HSP90AA1: variants seen among roughly 807,000 people sequenced by gnomAD.
HSP90AA1 encodes the protein heat shock protein 90 alpha family class A member 1, also known as heat shock protein HSP 90-alpha.
Under a neutral mutation model 73.3 loss-of-function variants are expected in HSP90AA1, and 18 were observed. The ratio of observed to expected loss-of-function variants is 0.25; its 90% CI spans 0.17 to 0.36. The LOEUF is 0.36. Among genes scored for constraint, HSP90AA1 ranks in the 10% least tolerant of loss-of-function variants. The probability of loss-of-function intolerance (pLI) is 1.00; values close to 1 mark genes in which losing one functional copy is unlikely to be tolerated. For missense variants in HSP90AA1, 704 were observed against 874.2 expected (o/e 0.81, Z 2.45); for synonymous variants, 477 against 296.9 (o/e 1.61, Z -6.24).
chr14:102,128,558 G>A (rs1319152541), intron 1 of HSP90AA1, among the ~76,000 whole-genome samples: 1 of 150,642 alleles, frequency 6.6e-6, no homozygotes, highest in African/African-American at 2.4e-5. Flanking sequence ...AACCCAGGAG[G>A]CAGAGGTTGC....
intron 9 of HSP90AA1, chr14:102,082,673 T>G: frequency 1.8e-6 from 1 of 556,422 alleles, no homozygotes. Context: ...CAGGCTGGAG[T>G]GCAGTGGTGC....
At chr14:102,088,896 T>C (rs1249781814), upstream of HSP90AA1, among the ~76,000 whole-genome samples, 2 of 58,484 alleles carry the variant, frequency 3.4e-5, no homozygotes, top group Non-Finnish European at 1.2e-4. Context: ...TGACGTTCTT[T>C]TTTTTCTTTT....
intron 8 of HSP90AA1, 113 bp from the exon 9 acceptor site, chr14:102,083,415 C>T (rs2049142749): frequency 7.0e-7 from 1 of 1,430,030 alleles, no homozygotes; most frequent in Admixed American, 1.7e-5. Context: ...CAGAAAATGA[C>T]CTAGTTCATG....
Position 102,093,285 on chromosome 14 carries a change from C to T in HSP90AA1, c.367-6907G>A, listed in dbSNP as rs1052106115. On this transcript the variant is annotated intron_variant, in intron 2 of 11. Transcript: ENST00000334701. ...CAGCACTTTCGGAGGCCAAGGCGGGCGGATCACAAGGTCAAGAGATTGAGA... is the reference window on the plus strand; with the variant it reads ...CAGCACTTTCGGAGGCCAAGGCGGGTGGATCACAAGGTCAAGAGATTGAGA... Among the ~76,000 whole-genome samples, 29 of 150,378 alleles carry T rather than the reference C, an allele frequency of 1.9e-4. 1 individual carries two copies. Among genetic ancestry groups the T allele is most frequent in the Non-Finnish European group, 3.1e-4 (21 of 67,598 alleles).
rs768673744 is a variant in HSP90AA1 at position 102,084,906 on chromosome 14, C to A, written c.756G>T (p.Ser252=). Residue 252 remains serine (S), a synonymous_variant, in exon 5 of 11, where the codon TCG becomes TCT. Coordinates refer to ENST00000216281, the MANE Select transcript of HSP90AA1 (RefSeq NM_005348.4). ...CATCTTCAATTTCAGGTTTGTCTTCCGACTCTTTCTCTTCTTTTTCTTTTT... is the reference window on the plus strand; with the variant it reads ...CATCTTCAATTTCAGGTTTGTCTTCAGACTCTTTCTCTTCTTTTTCTTTTT... The part of the protein sequence containing the change: ...EEEKEKEEKE[S]EDKPEIEDVG... 6.4e-7 allele frequency: 1 copy of A among 1,574,706 alleles called. No homozygotes were observed. The highest frequency in any genetic ancestry group is 8.7e-7 in the Non-Finnish European group (1 of 1,144,948).
At chr14:102,093,831 A>G (rs2152617236) in intron 2 of HSP90AA1, among the ~76,000 whole-genome samples, 1 of 152,014 alleles carries the variant, frequency 6.6e-6, no homozygotes, top group African/African-American at 2.4e-5. Context: ...AGAATTAGCC[A>G]GGCATGGTGG....
intron 1 of HSP90AA1, among the ~76,000 whole-genome samples, chr14:102,128,421 G>T (rs2049863488): frequency 6.6e-6 from 1 of 151,802 alleles, no homozygotes; most frequent in Non-Finnish European, 1.5e-5. Context: ...TGAGGTCAGG[G>T]GTTCGAGACC....
intron 1 of HSP90AA1, among the ~76,000 whole-genome samples, chr14:102,103,899 G>A (rs1458011222): frequency 1.3e-5 from 2 of 151,998 alleles, no homozygotes; most frequent in East Asian, 3.9e-4. Context: ...AGCTAGTTGG[G>A]AGGCTGAGGG....
At chr14:102,094,506 G>C (rs1247240947) in intron 2 of HSP90AA1, among the ~76,000 whole-genome samples, 1 of 152,218 alleles carries the variant, frequency 6.6e-6, no homozygotes, top group Non-Finnish European at 1.5e-5. Context: ...GAGGAGGGCA[G>C]GTGCTGGCTG....
chr14:102,134,569 G>C (rs2049956408), intron 1 of HSP90AA1, among the ~76,000 whole-genome samples: 1 of 152,088 alleles, frequency 6.6e-6, no homozygotes. Flanking sequence ...TCTTCCTTCT[G>C]ATGGGTTCGT....
chr14:102,121,510 C>T (rs2049778411), intron 1 of HSP90AA1, among the ~76,000 whole-genome samples: 1 of 152,146 alleles, frequency 6.6e-6, no homozygotes, highest in Non-Finnish European at 1.5e-5. Flanking sequence ...ATAACAGCAA[C>T]TTGCATTCTC....
chr14:102,134,322 CAAAAAAAAA>C (rs57081266), intron 1 of HSP90AA1, among the ~76,000 whole-genome samples: 7 of 69,088 alleles, frequency 1.0e-4, no homozygotes, highest in African/African-American at 4.1e-4. Context: ...GGCTCTGTCT[CAAAAAAAAA>C]AAAAAAAAAA....
upstream of HSP90AA1, among the ~76,000 whole-genome samples, chr14:102,089,483 T>C (rs2049323408): frequency 6.6e-6 from 1 of 152,192 alleles, no homozygotes; most frequent in South Asian, 2.1e-4. Flanking sequence ...CTGTAATGGT[T>C]TCTACCATCA....
intron 1 of HSP90AA1, among the ~76,000 whole-genome samples, chr14:102,116,830 G>A (rs1471353689): frequency 6.6e-6 from 1 of 152,074 alleles, no homozygotes; most frequent in African/African-American, 2.4e-5. Context: ...GCAGAAAGGG[G>A]CCCATTGAGG....
At chr14:102,082,997 G>A (rs748702121) in intron 9 of HSP90AA1, 37 bp downstream of exon 9, 1 of 1,594,752 alleles carries the variant, frequency 6.3e-7, no homozygotes, top group Non-Finnish European at 8.6e-7. Flanking sequence ...AAGCACCTTA[G>A]AAGTATCAAT....
chr14:102,102,930 G>A (rs1165586705), intron 1 of HSP90AA1, among the ~76,000 whole-genome samples: 2 of 152,096 alleles, frequency 1.3e-5, no homozygotes, highest in Non-Finnish European at 2.9e-5. Context: ...TGTAATCCCA[G>A]CACTTTGGGA....
intron 1 of HSP90AA1, among the ~76,000 whole-genome samples, chr14:102,125,884 C>T (rs2049833447): frequency 6.6e-6 from 1 of 152,262 alleles, no homozygotes; most frequent in East Asian, 1.9e-4. Flanking sequence ...CCAATCTACA[C>T]ACGACATGCC....
At chr14:102,096,153 C>G (rs1168624626) in intron 2 of HSP90AA1, among the ~76,000 whole-genome samples, 1 of 152,188 alleles carries the variant, frequency 6.6e-6, no homozygotes, top group African/African-American at 2.4e-5. Flanking sequence ...TAATGGGGCA[C>G]CATGGTCAGA....
Position 102,120,039 on chromosome 14 carries a change from A to G in HSP90AA1, c.156-17954T>C, listed in dbSNP as rs1477791850. ...AAGCTTTATGTTATTAAATCAAGTT[A>G]AAAAGTAATAATTATAGGGCTACTT... On this transcript the variant is annotated intron_variant, in intron 1 of 11. Coordinates refer to the HSP90AA1 transcript ENST00000334701. Among the ~76,000 whole-genome samples the G allele has an allele frequency of 2.0e-5, 3 of 152,312 alleles. No individual in the cohort carries two copies. The East Asian group carries it at 5.8e-4, about 29-fold the overall frequency.
Sources: gnomAD v4.1 joint callset for allele counts (sites outside exome capture counted in the v4.1 genomes callset) on GRCh38, gnomAD v4.1.1 for gene constraint, MANE v1.5 for transcripts, NCBI Gene and HGNC (gene_info 2026-07-23, HGNC 2026-07-21) for gene names.